SF3A1: variants seen among roughly 807,000 people sequenced by gnomAD.
SF3A1 encodes SAP 114.
Under a neutral mutation model 89.9 loss-of-function variants are expected in SF3A1, and 13 were observed. The observed-to-expected ratio is 0.14, with a 90% CI of 0.09 to 0.23. The LOEUF (loss-of-function observed/expected upper bound fraction) is 0.23. Among genes scored for constraint, SF3A1 ranks in the 10% least tolerant of loss-of-function variants. SF3A1 has a pLI of 1.00. For missense variants in SF3A1, 604 were observed against 1,022.1 expected (o/e 0.59, Z 5.58); for synonymous variants, 405 against 374.4 (o/e 1.08, Z -0.94).
chr22:30,355,896 G>A (rs555328545), intron 1 of SF3A1, among the ~76,000 whole-genome samples: 1 of 136,726 alleles, frequency 7.3e-6, no homozygotes, highest in Non-Finnish European at 1.5e-5. Context: ...GATGAATAAA[G>A]GATGCTATTT....
At position 30,337,864 on chromosome 22, in the gene SF3A1, C is replaced by T. The variant is rs1458597118; in HGVS notation, c.1777G>A (p.Ala593Thr). 5.0e-6 allele frequency: 8 copies of T among 1,608,280 alleles called. No homozygotes were observed. In the East Asian group the frequency reaches 1.3e-4, roughly 27 times the overall value. The change falls in exon 12 of 16, where the codon GCA becomes ACA. Residue 593 changes from alanine (A) to threonine (T), a missense_variant. Ala to Thr is a moderately conservative substitution (Grantham distance 58). Around this residue, in one of 9 missense-constraint regions of SF3A1, gnomAD observed 85 missense variants for 137.3 expected, o/e 0.62. Transcript: ENST00000215793. ...PPPVRTTVVS[A>T]VPVMPRPPMA... ...GGGGGCCGGGGCATGACGGGTACTG[C>T]GGAGACAACTGTAGTACGAACTGGA...
At chr22:30,345,709 A>G (rs1258034723) in intron 3 of SF3A1, among the ~76,000 whole-genome samples, 2 of 152,186 alleles carry the variant, frequency 1.3e-5, no homozygotes, top group Admixed American at 6.5e-5. Context: ...CAACCTTTAT[A>G]GCCCACTGCA....
intron 11 of SF3A1, 81 bp from the exon 12 acceptor site, chr22:30,337,978 G>T: frequency 1.0e-6 from 1 of 972,800 alleles, no homozygotes; most frequent in Non-Finnish European, 1.6e-6. Flanking sequence ...CTGGCTGCCT[G>T]CAGCTCTGAG....
At chr22:30,342,922 C>T (rs376726241) in intron 4 of SF3A1, 43 bp from the exon 5 acceptor site, 20 of 1,336,542 alleles carry the variant, frequency 1.5e-5, no homozygotes, top group South Asian at 9.4e-5. Context: ...TGCTTTACAA[C>T]GCAGTACAAA....
intron 13 of SF3A1, among the ~76,000 whole-genome samples, chr22:30,336,721 C>T (rs139876592): frequency 6.6e-6 from 1 of 152,202 alleles, no homozygotes; most frequent in Non-Finnish European, 1.5e-5. Flanking sequence ...CCCTCTCACA[C>T]GTGAGTTGTG....
Position 30,334,383 on chromosome 22 carries a change from A to G in SF3A1, c.*211T>C. 1 of 447,248 alleles carries G rather than the reference A, an allele frequency of 2.2e-6. No individual in the cohort carries two copies. Among genetic ancestry groups the G allele is most frequent in the Non-Finnish European group, 3.9e-6 (1 of 253,546 alleles). 27.7% of individuals were successfully genotyped at this position (447,248 alleles called of 1,614,324 possible). On this transcript the variant is annotated 3_prime_UTR_variant, in exon 16 of 16. Transcript: ENST00000215793. ...AGACCCTAACACAAAGAGATTCCAGAGAGTGGCTTAGAAAACCCAGCTACT... is the reference window on the plus strand; with the variant it reads ...AGACCCTAACACAAAGAGATTCCAGGGAGTGGCTTAGAAAACCCAGCTACT...
At chr22:30,351,344 C>T (rs568637698) in intron 2 of SF3A1, among the ~76,000 whole-genome samples, 6 of 152,000 alleles carry the variant, frequency 3.9e-5, no homozygotes, top group Non-Finnish European at 2.9e-5. Context: ...ATCTTTATGT[C>T]TAATTTTATT....
Position 30,342,291 on chromosome 22 carries a change from C to T in SF3A1, c.786G>A (p.Glu262=), listed in dbSNP as rs565539965. 2.2e-5 allele frequency: 35 copies of T among 1,614,158 alleles called. No individual in the cohort carries two copies. In the East Asian group the frequency reaches 7.4e-4, roughly 34 times the overall value. The change falls in exon 6 of 16, where the codon GAG becomes GAA. Residue 262 remains glutamate (E), a synonymous_variant. Coordinates refer to ENST00000215793, the MANE Select transcript of SF3A1 (RefSeq NM_005877.6). ...AGGCCACCCGCTCCTTCTCCTTCTC[C>T]TCTTCTTCCTTCTTCCTCTCACGTT... is the stretch of plus-strand genomic sequence containing the variant. ...FQERERKKEE[E]EKEKERVAYA...
At chr22:30,351,020 G>A (rs1056701378) in intron 2 of SF3A1, among the ~76,000 whole-genome samples, 8 of 152,232 alleles carry the variant, frequency 5.3e-5, no homozygotes, top group African/African-American at 1.9e-4. Flanking sequence ...AACCAAAGTA[G>A]GCTGGTGCCG....
At chr22:30,336,501 G>C (rs534655419) in intron 13 of SF3A1, among the ~76,000 whole-genome samples, 1 of 152,272 alleles carries the variant, frequency 6.6e-6, no homozygotes, top group East Asian at 1.9e-4. Context: ...AAATACATTG[G>C]GGGAGCAGAG....
rs757892526 is a variant in SF3A1, at chr22:30,337,921, A to G, written c.1744-24T>C. ...ATCTGTGCAGGAAAGAGACCCACAG[A>G]TTACAGGAAGCCAAAGTTGGACTCC... On this transcript the variant is annotated intron_variant, in intron 11 of 15. Coordinates refer to ENST00000215793, the MANE Select transcript of SF3A1 (RefSeq NM_005877.6). 7.7e-6 allele frequency: 12 copies of G among 1,567,766 alleles called. No homozygotes were observed. The East Asian group carries it at 2.7e-4, about 36-fold the overall frequency.
intron 15 of SF3A1, 44 bp downstream of exon 15, chr22:30,335,423 G>C (rs1193957299): frequency 6.6e-7 from 1 of 1,514,258 alleles, no homozygotes; most frequent in African/African-American, 1.4e-5. Flanking sequence ...TGAAAGCAGA[G>C]GTGTCAGGAC....
intron 13 of SF3A1, among the ~76,000 whole-genome samples, chr22:30,336,814 TACCATC>T (rs1344665071): frequency 6.6e-6 from 1 of 152,186 alleles, no homozygotes; most frequent in Non-Finnish European, 1.5e-5. Flanking sequence ...CTGCCACCAC[TACCATC>T]ACCATCACCA....
At position 30,332,246 on chromosome 22, in the gene SF3A1, C is replaced by T. The variant is rs1930940818; in HGVS notation, c.*2348G>A. 2 of 152,166 alleles carry T rather than the reference C, an allele frequency of 1.3e-5. No homozygotes were observed. The highest frequency in any genetic ancestry group is 4.1e-4 in the South Asian group (2 of 4,834). The allele number at this position is 152,166 out of a possible 1,614,324, so 9.4% of individuals were successfully genotyped here. A position where few individuals can be genotyped will look rare whatever the true frequency, so the allele number is the denominator to read the frequency against. ...TGGTTCTGATCATTACTGGCCTCCT[C>T]TAAGAGTACATGACAAGTACTTAAG... On this transcript the variant is annotated 3_prime_UTR_variant, in exon 16 of 16. Coordinates refer to ENST00000215793, the MANE Select transcript of SF3A1 (RefSeq NM_005877.6).
At chr22:30,355,121 T>C (rs1461145512) in intron 1 of SF3A1, among the ~76,000 whole-genome samples, 2 of 151,978 alleles carry the variant, frequency 1.3e-5, no homozygotes, top group Non-Finnish European at 2.9e-5. Flanking sequence ...GCTTCCCAGG[T>C]TCAAGCAATT....
Position 30,344,994 on chromosome 22 carries a change from A to C in SF3A1, c.590T>G (p.Phe197Cys). The change falls in exon 4 of 16, where the codon TTT becomes TGT. Residue 197 changes from phenylalanine to cysteine, a missense_variant. Physicochemically the swap from Phe to Cys is radical, Grantham distance 205. Coordinates refer to ENST00000215793, the MANE Select transcript of SF3A1 (RefSeq NM_005877.6). ...GAAGAGGCTGTGCTGTGGGCGGAGA[A>C]AGTCAAACTGGTAGTTGCGCTGCTC... ...QKEQRNYQFD[F>C]LRPQHSLFNY... 2 of 1,614,218 alleles carry C rather than the reference A, an allele frequency of 1.2e-6. No individual in the cohort carries two copies. The highest frequency in any genetic ancestry group is 1.7e-6 in the Non-Finnish European group (2 of 1,180,046).
In SF3A1 at chr22:30,339,031, T is replaced by C. The variant is rs1489634686; in HGVS notation, c.1501A>G (p.Thr501Ala). The C allele has an allele frequency of 3.1e-6, 5 of 1,614,022 alleles. No homozygotes were observed. Among genetic ancestry groups the C allele is most frequent in the Non-Finnish European group, 3.4e-6 (4 of 1,180,012 alleles). ...ATGCTGCCTGAGTGGCCATCCCAGG[T>C]CACCTGCAAGTGAAAGCAAAGCCAC... ...EEIQKPEEKVTWDGHSGSMAR... is the reference protein window; with the variant it reads ...EEIQKPEEKVAWDGHSGSMAR... Residue 501 changes from threonine to alanine, a missense_variant, in exon 11 of 16, where the codon ACC (threonine) becomes GCC (alanine). Physicochemically the swap from Thr to Ala is moderately conservative, Grantham distance 58. Transcript: ENST00000215793.
Position 30,335,666 on chromosome 22 carries a change from G to A in SF3A1, c.2194C>T (p.Pro732Ser). 1 of 1,614,156 alleles carries A rather than the reference G, an allele frequency of 6.2e-7. No individual in the cohort carries two copies. Among genetic ancestry groups the A allele is most frequent in the Non-Finnish European group, 8.5e-7 (1 of 1,179,982 alleles). The change falls in exon 14 of 16, where the codon CCA becomes TCA. Residue 732 changes from proline to serine, a missense_variant. Physicochemically the swap from Pro to Ser is moderately conservative, Grantham distance 74. This residue lies in a region of SF3A1 where 74 missense variants were observed against 141.3 expected (regional missense o/e 0.52). Transcript: ENST00000215793. ...LNGQVLVFTL[P>S]LTDQVSVIKV... ...AGTACCCATACCTGGTCCGTGAGTG[G>A]GAGGGTGAAGACCAGCACCTGCCCA...
intron 9 of SF3A1, 79 bp from the exon 10 acceptor site, chr22:30,339,330 GT>G (rs1931175463): frequency 6.4e-7 from 1 of 1,570,360 alleles, no homozygotes; most frequent in African/African-American, 1.3e-5. Flanking sequence ...AGCTTTTCTG[GT>G]GTGCAGGGAG....
Sources: allele counts gnomAD v4.1 joint callset (sites outside exome capture counted in the v4.1 genomes callset), GRCh38; gene constraint gnomAD v4.1.1; regional missense constraint gnomAD v4.1.1; transcripts MANE v1.5; gene names NCBI Gene and HGNC (gene_info 2026-07-23, HGNC 2026-07-21).